C10orf143: variants seen among roughly 807,000 people sequenced by gnomAD.
The protein encoded by C10orf143 is uncharacterized protein C10orf143.
chr10:130,045,347 C>T (rs1367745978), intron 3 of C10orf143, among the ~76,000 whole-genome samples: 3 of 152,244 alleles, frequency 2.0e-5, no homozygotes, highest in Admixed American at 1.3e-4. Flanking sequence ...GTCCTGCTTC[C>T]AGAACCTTTG....
At chr10:130,098,108 A>G (rs1379611509) in intron 1 of C10orf143, among the ~76,000 whole-genome samples, 1 of 152,126 alleles carries the variant, frequency 6.6e-6, no homozygotes, top group Non-Finnish European at 1.5e-5. Flanking sequence ...GGATCACTTG[A>G]GGCCAGGAGT....
intron 1 of C10orf143, chr10:130,105,119 G>C (rs145581945): frequency 7.3e-4 from 111 of 152,246 alleles, no homozygotes; most frequent in African/African-American, 2.6e-3. Flanking sequence ...GTAGAGACAG[G>C]GTTTCACCAT....
chr10:130,090,033 C>A (rs1157607936), intron 1 of C10orf143, among the ~76,000 whole-genome samples: 1 of 152,124 alleles, frequency 6.6e-6, no homozygotes, highest in African/African-American at 2.4e-5. Context: ...AAAGAATGAT[C>A]CCTAAAAGAA....
At chr10:130,108,200 C>T (rs764801406) in intron 1 of C10orf143, 2 of 1,561,458 alleles carry the variant, frequency 1.3e-6, no homozygotes, top group East Asian at 2.3e-5. Context: ...TCCTTTCCCC[C>T]CACCTCCTCC....
chr10:130,044,075 A>G (rs1245234053), intron 3 of C10orf143, among the ~76,000 whole-genome samples: 1 of 151,842 alleles, frequency 6.6e-6, no homozygotes, highest in Admixed American at 6.6e-5. Context: ...AAAGAAGGAG[A>G]AGACTTTAGC....
chr10:130,099,716 C>G (rs891535010), intron 1 of C10orf143, among the ~76,000 whole-genome samples: 2 of 151,666 alleles, frequency 1.3e-5, no homozygotes, highest in African/African-American at 4.8e-5. Flanking sequence ...TTGGTGGAGA[C>G]GGGGTTTCAC....
intron 1 of C10orf143, among the ~76,000 whole-genome samples, chr10:130,103,007 CT>C (rs879545502): frequency 1.8e-4 from 26 of 147,688 alleles, no homozygotes; most frequent in African/African-American, 6.5e-4. Context: ...TTGTGTTTCG[CT>C]CTTGTTGCCA....
At chr10:130,091,551 T>C (rs1234516756) in intron 1 of C10orf143, among the ~76,000 whole-genome samples, 1 of 152,034 alleles carries the variant, frequency 6.6e-6, no homozygotes, top group Non-Finnish European at 1.5e-5. Context: ...AGAACAAAAC[T>C]GGAGAGAGAA....
intron 1 of C10orf143, among the ~76,000 whole-genome samples, chr10:130,085,581 C>T (rs1206506799): frequency 6.6e-6 from 1 of 151,938 alleles, no homozygotes; most frequent in Non-Finnish European, 1.5e-5. Flanking sequence ...GATCTTGCAA[C>T]AGAAAAAGGA....
At chr10:130,085,293 A>G (rs992986963) in intron 1 of C10orf143, among the ~76,000 whole-genome samples, 1 of 152,196 alleles carries the variant, frequency 6.6e-6, no homozygotes, top group African/African-American at 2.4e-5. Context: ...ACCGTGGATA[A>G]AACCATCGTA....
intron 3 of C10orf143, among the ~76,000 whole-genome samples, chr10:130,077,460 T>A (rs985439081): frequency 1.3e-5 from 2 of 152,188 alleles, no homozygotes; most frequent in African/African-American, 4.8e-5. Flanking sequence ...GAATCACATG[T>A]AAGTTTCCCA....
intron 3 of C10orf143, among the ~76,000 whole-genome samples, chr10:130,046,916 C>A (rs1223354837): frequency 1.3e-5 from 2 of 152,350 alleles, no homozygotes; most frequent in South Asian, 4.1e-4. Flanking sequence ...GTGAGCCCAC[C>A]CCTGAGGCGT....
rs1860792536 is a variant in C10orf143, at chr10:130,056,154, A to G, written c.298-20184T>C. On this transcript the variant is annotated intron_variant and NMD_transcript_variant, in intron 3 of 5. Transcript: ENST00000643056. This position sits in a 1 kb window ranked among gnomAD's most constrained non-coding sequence, Gnocchi z 4.6. ...AAGTAAGTAAATTTAGATGTCAGAA[A>G]GGAAATCTTGTTTGTCCTGATTTAG... 6.6e-6 allele frequency among the ~76,000 whole-genome samples: 1 copy of G among 152,182 alleles called. No individual in the cohort carries two copies. The highest frequency in any genetic ancestry group is 2.4e-5 in the African/African-American group (1 of 41,440).
At chr10:130,085,354 C>T (rs1861274326) in intron 1 of C10orf143, among the ~76,000 whole-genome samples, 3 of 152,150 alleles carry the variant, frequency 2.0e-5, no homozygotes, top group African/African-American at 7.2e-5. Context: ...TACCATGAAC[C>T]CTCCTCCGTA....
intron 1 of C10orf143, among the ~76,000 whole-genome samples, chr10:130,082,719 C>T (rs1336514897): frequency 6.6e-6 from 1 of 152,180 alleles, no homozygotes; most frequent in Non-Finnish European, 1.5e-5. Flanking sequence ...TCCAGTATGT[C>T]TTTATCAGCA....
chr10:130,056,652 C>T lies in C10orf143; in HGVS notation c.298-20682G>A, dbSNP rs1204638097. 2.0e-5 allele frequency among the ~76,000 whole-genome samples: 3 copies of T among 151,008 alleles called. No homozygotes were observed. Among genetic ancestry groups the T allele is most frequent in the South Asian group, 2.1e-4 (1 of 4,778 alleles). On this transcript the variant is annotated intron_variant and NMD_transcript_variant, in intron 3 of 5. Transcript: ENST00000643056. This position sits in a 1 kb window ranked among gnomAD's most constrained non-coding sequence, Gnocchi z 4.6. ...TGTCGCCCAGGCTGGAGTGCAGTGGCGCTCTCTTGGCTCACTGCAAGCTCC... is the reference window on the plus strand; with the variant it reads ...TGTCGCCCAGGCTGGAGTGCAGTGGTGCTCTCTTGGCTCACTGCAAGCTCC...
At chr10:130,063,374 C>G (rs1157853513), downstream of C10orf143, among the ~76,000 whole-genome samples, 2 of 152,288 alleles carry the variant, frequency 1.3e-5, no homozygotes, top group African/African-American at 4.8e-5. Context: ...AAAGATCTTT[C>G]GTAAGGCTAC....
chr10:130,085,554 T>C (rs1454998972), intron 1 of C10orf143, among the ~76,000 whole-genome samples: 1 of 152,080 alleles, frequency 6.6e-6, no homozygotes, highest in Non-Finnish European at 1.5e-5. Context: ...CTAAATGCAA[T>C]GTGGGATCCT....
rs749819000 is a variant in C10orf143, at chr10:130,106,065, C to T, written c.69+4639G>A. 44 of 579,702 alleles carry T rather than the reference C, an allele frequency of 7.6e-5. 1 individual carries two copies. Among genetic ancestry groups the T allele is most frequent in the South Asian group, 6.1e-4 (42 of 69,316 alleles). 35.9% of individuals were successfully genotyped at this position (579,702 alleles called of 1,614,324 possible). A position where few individuals can be genotyped will look rare whatever the true frequency, so the allele number is the denominator to read the frequency against. ...GGCGCTATGTTGGAGCCAGGGGCTACCCCTCAGCGGTACTTGGGGCTGGTC... is the reference window on the plus strand; with the variant it reads ...GGCGCTATGTTGGAGCCAGGGGCTATCCCTCAGCGGTACTTGGGGCTGGTC... On this transcript the variant is annotated intron_variant, in intron 1 of 3. Transcript: ENST00000637128.
Sources: allele counts gnomAD v4.1 joint callset (sites outside exome capture counted in the v4.1 genomes callset), GRCh38; gene constraint gnomAD v4.1.1; non-coding constraint Gnocchi (gnomAD v3.1); transcripts MANE v1.5; gene names NCBI Gene and HGNC (gene_info 2026-07-23, HGNC 2026-07-21).